The following ACBD6 variants were observed in gnomAD, a reference collection of about 807,000 sequenced individuals.
The protein encoded by ACBD6 is acyl-CoA-binding domain-containing protein 6.
ACBD6 carries 28 observed loss-of-function variants against 37.2 expected under a neutral mutation model. That is an observed-to-expected ratio of 0.75 (90% CI 0.56 to 1.03). The LOEUF is 1.03. Ranked by LOEUF, ACBD6 falls within the 50% of genes least tolerant of loss-of-function variation. ACBD6 has a pLI of 0.00. For missense variants in ACBD6, 340 were observed against 337.4 expected (o/e 1.01, Z -0.06); for synonymous variants, 113 against 126.8 (o/e 0.89, Z 0.73).
At chr1:180,359,958 G>A (rs187194180) in intron 6 of ACBD6, among the ~76,000 whole-genome samples, 420 of 152,048 alleles carry the variant, frequency 2.8e-3, no homozygotes, top group African/African-American at 9.5e-3. Context: ...TATTTACTAT[G>A]CAAAAATAAT....
At chr1:180,436,867 T>G (rs1266191149) in intron 3 of ACBD6, among the ~76,000 whole-genome samples, 1 of 152,168 alleles carries the variant, frequency 6.6e-6, no homozygotes, top group Non-Finnish European at 1.5e-5. Flanking sequence ...AGGCCACAGT[T>G]AACAACATAC....
In ACBD6 at chr1:180,325,166, C is replaced by G. The variant is rs191416151; in HGVS notation, c.664-10444G>C. The stretch of plus-strand genomic sequence containing the variant: ...GATTTGGGAAGTTCTCTGACACTAT[C>G]CCTCTGAATAAACTTTCTATCCCTG... On this transcript the variant is annotated intron_variant, in intron 6 of 7. Transcript: ENST00000367595. Among the ~76,000 whole-genome samples, 377 of 152,198 alleles carry G rather than the reference C, an allele frequency of 2.5e-3. 3 individuals are homozygous for G. The highest frequency in any genetic ancestry group is 6.8e-3 in the Middle Eastern group (2 of 292).
intron 3 of ACBD6, among the ~76,000 whole-genome samples, chr1:180,469,146 T>C (rs1034660889): frequency 1.6e-4 from 25 of 152,232 alleles, no homozygotes; most frequent in African/African-American, 5.8e-4. Flanking sequence ...GCATCTTCTA[T>C]TTTTCCTCTT....
chr1:180,271,100 G>A (rs1003089742), exon 14 of ACBD6: 9 of 513,686 alleles, frequency 1.8e-5, no homozygotes, highest in Middle Eastern at 5.4e-4. Flanking sequence ...TCAATCTGAT[G>A]AGACTTCTGT....
intron 6 of ACBD6, among the ~76,000 whole-genome samples, chr1:180,317,684 T>G (rs1488332416): frequency 3.3e-5 from 5 of 152,170 alleles, no homozygotes; most frequent in African/African-American, 1.2e-4. Context: ...CTCTGGTTCT[T>G]GTCATTTCAA....
At chr1:180,361,948 C>T (rs1209670043) in intron 6 of ACBD6, among the ~76,000 whole-genome samples, 1 of 151,632 alleles carries the variant, frequency 6.6e-6, no homozygotes, top group African/African-American at 2.4e-5. Context: ...GTACTGCCAA[C>T]CACAAAATGT....
intron 4 of ACBD6, among the ~76,000 whole-genome samples, chr1:180,419,027 G>A (rs887043531): frequency 6.6e-6 from 1 of 152,216 alleles, no homozygotes; most frequent in African/African-American, 2.4e-5. Flanking sequence ...CGAGGCGGGT[G>A]GATCACGAGG....
intron 3 of ACBD6, among the ~76,000 whole-genome samples, chr1:180,471,282 T>G (rs1650554371): frequency 6.6e-6 from 1 of 151,698 alleles, no homozygotes; most frequent in Non-Finnish European, 1.5e-5. Flanking sequence ...GTGGCTGTAG[T>G]ACCAGCTACT....
chr1:180,344,383 G>C (rs1652095368), intron 6 of ACBD6, among the ~76,000 whole-genome samples: 1 of 152,122 alleles, frequency 6.6e-6, no homozygotes. Flanking sequence ...TCAGCCTTAT[G>C]TCTCACACCA....
intron 6 of ACBD6, among the ~76,000 whole-genome samples, chr1:180,388,015 A>G (rs1336812196): frequency 9.3e-6 from 1 of 107,622 alleles, no homozygotes; most frequent in Non-Finnish European, 2.4e-5. Context: ...CTCTACTAAA[A>G]ATACAAAAAA....
chr1:180,370,637 A>G (rs1653228366), intron 6 of ACBD6, among the ~76,000 whole-genome samples: 1 of 152,190 alleles, frequency 6.6e-6, no homozygotes, highest in Non-Finnish European at 1.5e-5. Context: ...GTATTCACAT[A>G]TATCATTCTC....
At chr1:180,340,704 T>C (rs973425918) in intron 6 of ACBD6, among the ~76,000 whole-genome samples, 2 of 151,622 alleles carry the variant, frequency 1.3e-5, no homozygotes, top group African/African-American at 4.8e-5. Flanking sequence ...GGATGAGATA[T>C]AGTACACAAG....
chr1:180,454,128 T>A (rs1649819790), intron 3 of ACBD6, among the ~76,000 whole-genome samples: 1 of 152,124 alleles, frequency 6.6e-6, no homozygotes, highest in African/African-American at 2.4e-5. Flanking sequence ...CAAACTATAC[T>A]ACAAGGCTAC....
At chr1:180,355,932 A>T (rs917152730) in intron 6 of ACBD6, among the ~76,000 whole-genome samples, 28 of 151,314 alleles carry the variant, frequency 1.9e-4, no homozygotes, top group African/African-American at 6.8e-4. Context: ...CAGTGGCGTG[A>T]TCTCGGCTCA....
intron 6 of ACBD6, among the ~76,000 whole-genome samples, chr1:180,397,165 TGCTAAGTA>T (rs1229517560): frequency 6.6e-6 from 1 of 152,194 alleles, no homozygotes; most frequent in Non-Finnish European, 1.5e-5. Flanking sequence ...CAAAACTTTA[TGCTAAGTA>T]AAAGAAGTCA....
intron 3 of ACBD6, among the ~76,000 whole-genome samples, chr1:180,456,211 CAAAAAAAA>C (rs753205587): frequency 9.4e-6 from 1 of 106,772 alleles, no homozygotes; most frequent in African/African-American, 3.0e-5. Flanking sequence ...GACACCATTT[CAAAAAAAA>C]AAAAAAAAAG....
At chr1:180,285,461 C>T (rs1571316197), downstream of ACBD6, among the ~76,000 whole-genome samples, 4 of 152,236 alleles carry the variant, frequency 2.6e-5, no homozygotes, top group Middle Eastern at 0.01. Context: ...GAAATTCACT[C>T]ATAAATATTT....
chr1:180,441,772 G>A (rs546477140), intron 3 of ACBD6, among the ~76,000 whole-genome samples: 6 of 152,226 alleles, frequency 3.9e-5, no homozygotes, highest in South Asian at 2.1e-4. Flanking sequence ...TAACTCTAGC[G>A]GTGTCTTTGT....
intron 3 of ACBD6, among the ~76,000 whole-genome samples, chr1:180,452,984 G>A (rs1649773851): frequency 6.6e-6 from 1 of 152,106 alleles, no homozygotes. Flanking sequence ...ATCTACCAGA[G>A]GTACAAAGAG....
Sources: gnomAD v4.1 joint callset for allele counts (sites outside exome capture counted in the v4.1 genomes callset) on GRCh38, gnomAD v4.1.1 for gene constraint, MANE v1.5 for transcripts, NCBI Gene and HGNC (gene_info 2026-07-23, HGNC 2026-07-21) for gene names.